TRIM2: variants seen among roughly 807,000 people sequenced by gnomAD.
TRIM2 encodes the protein tripartite motif containing 2.
A neutral mutation model predicts 75.2 loss-of-function variants in TRIM2; 20 were observed. That is an observed-to-expected ratio of 0.27 (90% confidence interval 0.19 to 0.39). TRIM2 has a LOEUF of 0.39. Among genes scored for constraint, TRIM2 ranks in the 10% least tolerant of loss-of-function variants. The pLI, the probability that TRIM2 is intolerant of heterozygous loss-of-function variation, is 1.00. For missense variants in TRIM2, 660 were observed against 990.8 expected (o/e 0.67, Z 4.48); for synonymous variants, 373 against 388.3 (o/e 0.96, Z 0.46).
chr4:153,211,616 C>G lies in TRIM2; in HGVS notation c.30+7056C>G, dbSNP rs572563895. Among the ~76,000 whole-genome samples the G allele has an allele frequency of 8.6e-5, 13 of 151,394 alleles. No individual in the cohort carries two copies. The South Asian group carries it at 2.7e-3, about 32-fold the overall frequency. On this transcript the variant is annotated intron_variant, in intron 1 of 11. Coordinates refer to ENST00000338700, the MANE Select transcript of TRIM2 (RefSeq NM_015271.5). ...TTCTCCCACCTTAGCCTCCCAAGTA[C>G]CTGGGACTACAGGCATGCACCACCA... is the stretch of plus-strand genomic sequence containing the variant.
At chr4:153,244,322 T>TTCC (rs1560873859) in intron 1 of TRIM2, among the ~76,000 whole-genome samples, 3 of 15,792 alleles carry the variant, frequency 1.9e-4, no homozygotes, top group East Asian at 2.0e-3. Flanking sequence ...CCTCCTCCTC[T>TTCC]TCTTCTTCTT....
At chr4:153,318,207 A>G (rs1049256399) in intron 8 of TRIM2, among the ~76,000 whole-genome samples, 4 of 152,220 alleles carry the variant, frequency 2.6e-5, no homozygotes, top group Non-Finnish European at 5.9e-5. Flanking sequence ...CTGGAATTCT[A>G]AAGATTACTC....
At chr4:153,313,613 A>C (rs951216858) in intron 6 of TRIM2, among the ~76,000 whole-genome samples, 4 of 151,278 alleles carry the variant, frequency 2.6e-5, no homozygotes, top group Non-Finnish European at 5.9e-5. Flanking sequence ...TCGAAAAACA[A>C]AATAGCAATG....
chr4:153,295,202 A>C lies in TRIM2; in HGVS notation c.787-111A>C. ...GGGTTGACAAACACCGCTTGCTCAG[A>C]GCCACCTGCGTGGGCAGGTGTAGAG... On this transcript the variant is annotated intron_variant, in intron 5 of 11. Transcript: ENST00000338700. This position sits in a 1 kb window ranked among gnomAD's most constrained non-coding sequence, Gnocchi z 7.2. 2 of 1,386,462 alleles carry C rather than the reference A, an allele frequency of 1.4e-6. No individual in the cohort carries two copies. The highest frequency in any genetic ancestry group is 1.9e-6 in the Non-Finnish European group (2 of 1,049,256). The allele number at this position is 1,386,462 out of a possible 1,614,324, so 85.9% of individuals were successfully genotyped here. A position where few individuals can be genotyped will look rare whatever the true frequency, so the allele number is the denominator to read the frequency against.
chr4:153,295,997 A>G lies in TRIM2; in HGVS notation c.1471A>G (p.Lys491Glu). Residue 491 changes from lysine (K) to glutamate (E), a missense_variant, in exon 6 of 12, where the codon AAA becomes GAA. This residue lies in a region of TRIM2 where 620 missense variants were observed against 891.0 expected (regional missense o/e 0.70). Coordinates refer to ENST00000338700, the MANE Select transcript of TRIM2 (RefSeq NM_015271.5). The surrounding 1 kb of genome is among the most constrained non-coding windows in gnomAD (Gnocchi z 7.2). ...AAGCATGTACAGCACTGGAAAACGA[A>G]AAGAGAATCCCATCGAAGACGATTT... ...PASMYSTGKR[K>E]ENPIEDDLIF... 6.5e-7 allele frequency: 1 copy of G among 1,527,372 alleles called. No individual in the cohort carries two copies. Among genetic ancestry groups the G allele is most frequent in the Non-Finnish European group, 8.8e-7 (1 of 1,140,066 alleles). The allele number at this position is 1,527,372 out of a possible 1,614,324, so 94.6% of individuals were successfully genotyped here. A position where few individuals can be genotyped will look rare whatever the true frequency, so the allele number is the denominator to read the frequency against.
chr4:153,293,976 C>T (rs894452907), intron 4 of TRIM2, among the ~76,000 whole-genome samples: 3 of 152,154 alleles, frequency 2.0e-5, no homozygotes, highest in Non-Finnish European at 1.5e-5. Context: ...TGTTAAACAT[C>T]ATACAATGCA....
chr4:153,303,301 T>TAA (rs879307633), intron 6 of TRIM2, among the ~76,000 whole-genome samples: 56 of 125,900 alleles, frequency 4.4e-4, no homozygotes, highest in African/African-American at 1.4e-3. Context: ...CCATCTCTAC[T>TAA]AAAAAAAAAA....
chr4:153,209,606 C>T (rs983341540), intron 1 of TRIM2, among the ~76,000 whole-genome samples: 1 of 152,350 alleles, frequency 6.6e-6, no homozygotes, highest in Admixed American at 6.5e-5. Context: ...GTACACTTCA[C>T]ATTTTGCAAC....
At chr4:153,216,903 C>T (rs1035536580) in intron 1 of TRIM2, among the ~76,000 whole-genome samples, 5 of 152,224 alleles carry the variant, frequency 3.3e-5, no homozygotes, top group Non-Finnish European at 5.9e-5. Flanking sequence ...CCTCTTAATA[C>T]TATCACATTG....
intron 1 of TRIM2, among the ~76,000 whole-genome samples, chr4:153,170,386 T>A (rs2149610982): frequency 6.6e-6 from 1 of 152,290 alleles, no homozygotes; most frequent in East Asian, 1.9e-4. Context: ...GAATGGCATG[T>A]TTAACCGGAC....
chr4:153,330,108 C>T (rs577732640), intron 11 of TRIM2, among the ~76,000 whole-genome samples: 1 of 152,250 alleles, frequency 6.6e-6, no homozygotes, highest in South Asian at 2.1e-4. Flanking sequence ...AATACCAACT[C>T]CACAACTCCC....
chr4:153,244,462 T>C lies in TRIM2; in HGVS notation c.31-25873T>C, dbSNP rs193063269. ...TTTAATTAGAGAGGAGGCCTCACTA[T>C]GTTGCCCGAGCTGATCTTGAACTCC... is the stretch of plus-strand genomic sequence containing the variant. On this transcript the variant is annotated intron_variant, in intron 1 of 11. Transcript: ENST00000338700. 2.1e-3 allele frequency among the ~76,000 whole-genome samples: 301 copies of C among 144,172 alleles called. 3 individuals carry two copies. Among genetic ancestry groups the C allele is most frequent in the African/African-American group, 7.4e-3 (290 of 39,116 alleles). The allele number at this position is 144,172 out of a possible 152,430, so 94.6% of individuals were successfully genotyped here. A position where few individuals can be genotyped will look rare whatever the true frequency, so the allele number is the denominator to read the frequency against.
At chr4:153,200,797 CTT>C (rs202158649), upstream of TRIM2, among the ~76,000 whole-genome samples, 1 of 126,520 alleles carries the variant, frequency 7.9e-6, no homozygotes, top group African/African-American at 2.9e-5. Context: ...GGTTTTTTTT[CTT>C]TTTTTTTTTC....
intron 3 of TRIM2, among the ~76,000 whole-genome samples, chr4:153,287,194 G>A (rs1760837912): frequency 6.6e-6 from 1 of 151,992 alleles, no homozygotes; most frequent in Non-Finnish European, 1.5e-5. Context: ...TTTTCAAGCT[G>A]GTCTTGACCT....
At chr4:153,280,206 A>G (rs933097555) in intron 3 of TRIM2, among the ~76,000 whole-genome samples, 3 of 152,056 alleles carry the variant, frequency 2.0e-5, no homozygotes, top group Non-Finnish European at 2.9e-5. Flanking sequence ...TTTATTAAAT[A>G]CATAGTATAT....
intron 1 of TRIM2, among the ~76,000 whole-genome samples, chr4:153,255,685 A>G (rs1751918584): frequency 6.6e-6 from 1 of 152,234 alleles, no homozygotes; most frequent in Admixed American, 6.5e-5. Flanking sequence ...AATGGCCAAA[A>G]AGTGGAAACA....
intron 1 of TRIM2, among the ~76,000 whole-genome samples, chr4:153,167,136 G>A (rs561345214): frequency 6.6e-6 from 1 of 152,304 alleles, no homozygotes; most frequent in African/African-American, 2.4e-5. Flanking sequence ...CCCTGCAGTT[G>A]GTGACTCCAC....
At chr4:153,153,734 C>T (rs113247017) in intron 1 of TRIM2, among the ~76,000 whole-genome samples, 7 of 152,198 alleles carry the variant, frequency 4.6e-5, no homozygotes, top group Admixed American at 4.6e-4. Flanking sequence ...TGCAGGGACA[C>T]GGGCGTGGCG....
chr4:153,204,298 C>T, upstream of TRIM2: 1 of 569,048 alleles, frequency 1.8e-6, no homozygotes, highest in Non-Finnish European at 3.1e-6. Context: ...GTCTCCCCTA[C>T]TTCGGAATGA....
Sources: allele counts gnomAD v4.1 joint callset (sites outside exome capture counted in the v4.1 genomes callset), GRCh38; gene constraint gnomAD v4.1.1; regional missense constraint gnomAD v4.1.1; non-coding constraint Gnocchi (gnomAD v3.1); transcripts MANE v1.5; gene names NCBI Gene and HGNC (gene_info 2026-07-23, HGNC 2026-07-21).